Variants in VAV2 observed in about 807,000 individuals in gnomAD.
The protein encoded by VAV2 is guanine nucleotide exchange factor VAV2.
A neutral mutation model predicts 132.5 loss-of-function variants in VAV2; 67 were observed. The observed-to-expected ratio is 0.51, with a 90% CI of 0.42 to 0.62. VAV2 has a LOEUF of 0.62. VAV2 is among the 20% of genes least tolerant of loss of function. The pLI is 0.00. For synonymous variants in VAV2, 492 were observed against 443.5 expected (o/e 1.11, Z -1.37); for missense variants, 938 against 1,153.6 (o/e 0.81, Z 2.71).
chr9:133,920,088 C>T (rs1336241165), intron 2 of VAV2, among the ~76,000 whole-genome samples: 2 of 152,148 alleles, frequency 1.3e-5, no homozygotes, highest in Non-Finnish European at 2.9e-5. Flanking sequence ...TCCCTCTTAC[C>T]GCACACCGAG....
intron 15 of VAV2, among the ~76,000 whole-genome samples, chr9:133,787,908 A>G (rs1834294201): frequency 6.6e-6 from 1 of 151,944 alleles, no homozygotes; most frequent in African/African-American, 2.4e-5. Flanking sequence ...GACAAGCCAC[A>G]GCCAGACCTA....
intron 4 of VAV2, among the ~76,000 whole-genome samples, chr9:133,822,665 G>A (rs2131736623): frequency 6.6e-6 from 1 of 152,288 alleles, no homozygotes; most frequent in East Asian, 1.9e-4. Flanking sequence ...GCGGGTACCT[G>A]CACAGGCCCC....
At chr9:133,944,010 G>T (rs1841271946) in intron 1 of VAV2, among the ~76,000 whole-genome samples, 1 of 152,224 alleles carries the variant, frequency 6.6e-6, no homozygotes, top group South Asian at 2.1e-4. Flanking sequence ...GGGCCGGAGA[G>T]CCAAGACCCC....
chr9:133,806,894 A>G (rs1329851578), intron 8 of VAV2, among the ~76,000 whole-genome samples: 2 of 152,238 alleles, frequency 1.3e-5, no homozygotes, highest in African/African-American at 4.8e-5. Flanking sequence ...CTGCCTTTCT[A>G]TGACTGAGTT....
In VAV2 at chr9:133,834,259, C is replaced by T. The variant is rs747198541; in HGVS notation, c.449+13G>A. 6 of 1,583,524 alleles carry T rather than the reference C, an allele frequency of 3.8e-6. No individual in the cohort carries two copies. The highest frequency in any genetic ancestry group is 5.2e-6 in the Non-Finnish European group (6 of 1,160,768). On this transcript the variant is annotated intron_variant, in intron 4 of 29. Coordinates refer to ENST00000371850, the MANE Select transcript of VAV2 (RefSeq NM_001134398.2). This position sits in a 1 kb window ranked among gnomAD's most constrained non-coding sequence, Gnocchi z 5.9. ...CCCTCCTCTCCATCCCTCCTCCCATCCCCCCGCCTTACTCGGCCAGCTCCT... is the reference window on the plus strand; with the variant it reads ...CCCTCCTCTCCATCCCTCCTCCCATTCCCCCGCCTTACTCGGCCAGCTCCT...
intron 15 of VAV2, 146 bp from the exon 16 acceptor site, chr9:133,787,406 G>T: frequency 1.1e-6 from 1 of 941,186 alleles, no homozygotes; most frequent in Non-Finnish European, 1.5e-6. Flanking sequence ...GGGGTGATCA[G>T]TGGGGAAAGG....
At chr9:133,819,187 G>A (rs894598649) in intron 4 of VAV2, among the ~76,000 whole-genome samples, 1 of 149,950 alleles carries the variant, frequency 6.7e-6, no homozygotes, top group Admixed American at 6.7e-5. Context: ...CCTCACACCT[G>A]TAATCCCAGC....
At chr9:133,791,147 C>T (rs982572323) in intron 13 of VAV2, among the ~76,000 whole-genome samples, 43 of 152,150 alleles carry the variant, frequency 2.8e-4, no homozygotes, top group African/African-American at 1.0e-3. Flanking sequence ...CTCGGGAAGT[C>T]GGCTCCGGTC....
At chr9:133,940,668 C>CATGCGTGTGTGTGT (rs1168466104) in intron 1 of VAV2, among the ~76,000 whole-genome samples, 2 of 58,746 alleles carry the variant, frequency 3.4e-5, no homozygotes, top group Non-Finnish European at 3.1e-5. Context: ...TCTCTGTCCA[C>CATGCGTGTGTGTGT]GTGCGTGTGT....
intron 2 of VAV2, among the ~76,000 whole-genome samples, chr9:133,925,656 G>A (rs2492058): frequency 0.86 from 131,404 of 152,032 alleles, 57,803 homozygotes; most frequent in East Asian, 1. Context: ...AGCCCAGCAA[G>A]TTCACAGCCA....
Position 133,875,883 on chromosome 9 carries a change from C to T in VAV2, c.322-14451G>A, listed in dbSNP as rs572531040. Among the ~76,000 whole-genome samples the T allele has an allele frequency of 2.2e-3, 335 of 152,330 alleles. 1 individual carries two copies. The highest frequency in any genetic ancestry group is 7.7e-3 in the African/African-American group (321 of 41,578). On this transcript the variant is annotated intron_variant, in intron 2 of 29. Transcript: ENST00000371850. The stretch of plus-strand genomic sequence containing the variant: ...GGAGACCAGCATCTGAGTCGGCAGC[C>T]GAGTATAGCAGACGCCTCCCGTGCC...
intron 2 of VAV2, among the ~76,000 whole-genome samples, chr9:133,910,717 G>A (rs1483276170): frequency 5.3e-5 from 8 of 151,620 alleles, no homozygotes; most frequent in South Asian, 2.1e-4. Flanking sequence ...CCAGCTACTC[G>A]GGAGGCTGAG....
At chr9:133,975,054 G>C (rs146250667) in intron 1 of VAV2, among the ~76,000 whole-genome samples, 1 of 152,262 alleles carries the variant, frequency 6.6e-6, no homozygotes, top group East Asian at 1.9e-4. Context: ...CCCTTTTTAC[G>C]GCCTTTTCCT....
At chr9:133,909,897 G>A (rs1166752781) in intron 2 of VAV2, among the ~76,000 whole-genome samples, 3 of 152,024 alleles carry the variant, frequency 2.0e-5, no homozygotes, top group Non-Finnish European at 4.4e-5. Context: ...TCTGTCCTTC[G>A]CTTGGCTGCT....
At chr9:133,899,322 C>T (rs1394875919) in intron 2 of VAV2, among the ~76,000 whole-genome samples, 2 of 151,358 alleles carry the variant, frequency 1.3e-5, no homozygotes, top group Non-Finnish European at 2.9e-5. Context: ...TTTGGGAGGC[C>T]GAGGTGAGTG....
intron 8 of VAV2, 68 bp downstream of exon 8, chr9:133,807,190 G>A: frequency 6.5e-7 from 1 of 1,541,560 alleles, no homozygotes; most frequent in Admixed American, 1.9e-5. Flanking sequence ...AGGACAGCAG[G>A]ACATGTGTGG....
At position 133,769,436 on chromosome 9, in the gene VAV2, G is replaced by C. The variant is rs972691757; in HGVS notation, c.2415C>G (p.Pro805=). 4 of 1,612,786 alleles carry C rather than the reference G, an allele frequency of 2.5e-6. No homozygotes were observed. The African/African-American group carries it at 4.0e-5, about 16-fold the overall frequency. Residue 805 remains proline (P), a synonymous_variant, in exon 28 of 30, where the codon CCC becomes CCG. Coordinates refer to ENST00000371850, the MANE Select transcript of VAV2 (RefSeq NM_001134398.2). The surrounding 1 kb of genome is among the most constrained non-coding windows in gnomAD (Gnocchi z 8.1). ...CGGTACCTGACCAGAAGGGAGCGGA[G>C]GGGCCCTGAGAAGCAAAGCTGAGGC... is the stretch of plus-strand genomic sequence containing the variant. ...PQGLSFASQG[P]SAPFWSVFTP... is the part of the protein sequence containing the mutation.
At position 133,991,468 on chromosome 9, in the gene VAV2, G is replaced by C. The variant is rs1843014909; in HGVS notation, c.204+607C>G. Among the ~76,000 whole-genome samples the C allele has an allele frequency of 6.6e-6, 1 of 150,554 alleles. No individual in the cohort carries two copies. The highest frequency in any genetic ancestry group is 2.5e-5 in the African/African-American group (1 of 40,742). On this transcript the variant is annotated intron_variant, in intron 1 of 29. Coordinates refer to ENST00000371850, the MANE Select transcript of VAV2 (RefSeq NM_001134398.2). The surrounding 1 kb of genome is among the most constrained non-coding windows in gnomAD (Gnocchi z 4.8). ...GCCAAGTGGCCCTGGGGATCCTCGA[G>C]GCGGCTCGACCCGGGAGCCAGGACT...
chr9:133,795,980 T>C (rs1162582903), intron 11 of VAV2, among the ~76,000 whole-genome samples: 1 of 152,200 alleles, frequency 6.6e-6, no homozygotes, highest in Non-Finnish European at 1.5e-5. Flanking sequence ...GGAGTGACCG[T>C]GAGAAGGGCC....
Sources: allele counts gnomAD v4.1 joint callset (sites outside exome capture counted in the v4.1 genomes callset), GRCh38; gene constraint gnomAD v4.1.1; non-coding constraint Gnocchi (gnomAD v3.1); transcripts MANE v1.5; gene names NCBI Gene and HGNC (gene_info 2026-07-23, HGNC 2026-07-21).